ATXN8OS: variants seen among roughly 807,000 people sequenced by gnomAD.
ATXN8OS encodes ATXN8 opposite strand lncRNA.
intron 3 of ATXN8OS, among the ~76,000 whole-genome samples, chr13:70,134,612 T>C (rs1454308971): frequency 6.6e-6 from 1 of 152,212 alleles, no homozygotes; most frequent in Non-Finnish European, 1.5e-5. Context: ...TCAGTGCAAC[T>C]TCCTATGGCA....
At chr13:70,135,189 G>C (rs1163394145) in intron 3 of ATXN8OS, among the ~76,000 whole-genome samples, 2 of 151,976 alleles carry the variant, frequency 1.3e-5, no homozygotes, top group African/African-American at 4.8e-5. Flanking sequence ...CCCATTATAA[G>C]TCATTACTTC....
At chr13:70,169,443 C>T (rs1352376000) in intron 4 of ATXN8OS, among the ~76,000 whole-genome samples, 1 of 151,898 alleles carries the variant, frequency 6.6e-6, no homozygotes, top group Admixed American at 6.6e-5. Flanking sequence ...ATTACAGGCT[C>T]CTGCCACCGC....
At chr13:70,142,856 C>A (rs1332903479) in intron 3 of ATXN8OS, among the ~76,000 whole-genome samples, 1 of 152,132 alleles carries the variant, frequency 6.6e-6, no homozygotes, top group Non-Finnish European at 1.5e-5. Flanking sequence ...GGAGGATCAC[C>A]TGAGGTCGGG....
chr13:70,165,553 G>A (rs1313007012), intron 4 of ATXN8OS, among the ~76,000 whole-genome samples: 1 of 151,908 alleles, frequency 6.6e-6, no homozygotes, highest in East Asian at 1.9e-4. Context: ...TTTATGCCAA[G>A]ATCAATTTTT....
At chr13:70,129,711 G>T in intron 2 of ATXN8OS, 1 of 397,848 alleles carries the variant, frequency 2.5e-6, no homozygotes, top group South Asian at 1.3e-4. Flanking sequence ...CATCTGTACA[G>T]ACTAGCAAAA....
intron 4 of ATXN8OS, among the ~76,000 whole-genome samples, chr13:70,151,063 C>A (rs768354409): frequency 1.3e-5 from 2 of 152,002 alleles, no homozygotes; most frequent in African/African-American, 2.4e-5. Context: ...ACTGGTGAAA[C>A]CATCGCTACA....
intron 4 of ATXN8OS, among the ~76,000 whole-genome samples, chr13:70,152,069 A>T (rs1246153988): frequency 3.3e-5 from 5 of 151,982 alleles, no homozygotes; most frequent in Admixed American, 6.6e-5. Context: ...TATGTCACTT[A>T]CTTCTGCCCT....
intron 1 of ATXN8OS, among the ~76,000 whole-genome samples, chr13:70,112,328 A>T (rs1446608240): frequency 6.6e-6 from 1 of 152,208 alleles, no homozygotes; most frequent in Non-Finnish European, 1.5e-5. Context: ...ATAAAATATT[A>T]TTTAAAATTA....
At chr13:70,128,241 T>C (rs150905089) in intron 2 of ATXN8OS, among the ~76,000 whole-genome samples, 3 of 152,288 alleles carry the variant, frequency 2.0e-5, no homozygotes, top group South Asian at 2.1e-4. Context: ...GCCTGTCTAA[T>C]GGTCATTAAG....
intron 4 of ATXN8OS, among the ~76,000 whole-genome samples, chr13:70,150,403 C>T (rs2137498523): frequency 6.6e-6 from 1 of 152,166 alleles, no homozygotes. Flanking sequence ...GAATATATTA[C>T]AGGGTGTAAC....
chr13:70,117,902 C>T (rs1050762451), intron 2 of ATXN8OS, among the ~76,000 whole-genome samples: 9 of 152,016 alleles, frequency 5.9e-5, no homozygotes, highest in African/African-American at 2.2e-4. Context: ...GTTGGCTTTG[C>T]AACTTTCAAA....
intron 4 of ATXN8OS, among the ~76,000 whole-genome samples, chr13:70,168,223 T>A (rs560839092): frequency 3.3e-5 from 5 of 152,162 alleles, no homozygotes; most frequent in African/African-American, 1.2e-4. Context: ...AATGGACACA[T>A]AATGAAATTG....
intron 2 of ATXN8OS, among the ~76,000 whole-genome samples, chr13:70,129,060 A>G (rs1378204751): frequency 6.6e-6 from 1 of 152,022 alleles, no homozygotes; most frequent in Non-Finnish European, 1.5e-5. Flanking sequence ...GGGTTTCACC[A>G]TGTTGGTCAG....
At chr13:70,153,322 C>T (rs1221387066) in intron 4 of ATXN8OS, among the ~76,000 whole-genome samples, 1 of 152,072 alleles carries the variant, frequency 6.6e-6, no homozygotes, top group African/African-American at 2.4e-5. Context: ...CGCCTATAAT[C>T]CTAGCACTTT....
chr13:70,128,832 C>T (rs1888482773), intron 2 of ATXN8OS, among the ~76,000 whole-genome samples: 1 of 149,084 alleles, frequency 6.7e-6, no homozygotes, highest in Admixed American at 6.7e-5. Flanking sequence ...ATTTGGCCAA[C>T]AACAACAACA....
chr13:70,129,928 G>A, intron 3 of ATXN8OS: 1 of 398,252 alleles, frequency 2.5e-6, no homozygotes, highest in Non-Finnish European at 4.4e-6. Flanking sequence ...GGCCAGGTGT[G>A]TGCCATTAGT....
intron 2 of ATXN8OS, among the ~76,000 whole-genome samples, chr13:70,123,505 C>T (rs1888389644): frequency 6.6e-6 from 1 of 152,084 alleles, no homozygotes; most frequent in Non-Finnish European, 1.5e-5. Context: ...GTGTAAAGGT[C>T]ACCTTGTGAA....
At chr13:70,153,825 A>G (rs1013500029) in intron 4 of ATXN8OS, among the ~76,000 whole-genome samples, 1 of 150,962 alleles carries the variant, frequency 6.6e-6, no homozygotes, top group Non-Finnish European at 1.5e-5. Flanking sequence ...GACCACAGGC[A>G]CCTGCCACTA....
At chr13:70,168,021 C>T (rs758402905) in intron 4 of ATXN8OS, among the ~76,000 whole-genome samples, 10 of 152,076 alleles carry the variant, frequency 6.6e-5, no homozygotes, top group Non-Finnish European at 1.0e-4. Flanking sequence ...CCACCGCGCC[C>T]GGCCAACATA....
Sources: allele counts gnomAD v4.1 joint callset (sites outside exome capture counted in the v4.1 genomes callset), GRCh38; gene constraint gnomAD v4.1.1; transcripts MANE v1.5; gene names NCBI Gene and HGNC (gene_info 2026-07-23, HGNC 2026-07-21).